Variants in GMDS observed in about 807,000 individuals in gnomAD.
GMDS encodes GDP-mannose 4,6 dehydratase.
Under a neutral mutation model 49.9 loss-of-function variants are expected in GMDS, and 20 were observed. The observed-to-expected ratio is 0.40, with a 90% CI of 0.28 to 0.58. The LOEUF (loss-of-function observed/expected upper bound fraction) is 0.58, where lower values mean the gene tolerates loss of function less well. GMDS is among the 20% of genes least tolerant of loss of function. GMDS has a pLI of 0.42. For synonymous variants in GMDS, 177 were observed against 178.6 expected, an observed-to-expected ratio of 0.99 and a Z score of 0.07; for missense variants, 362 against 481.4, an observed-to-expected ratio of 0.75 and a Z score of 2.32.
chr6:1,624,676 G>A, intron 9 of GMDS, 136 bp from the exon 10 acceptor site: 2 of 643,704 alleles, frequency 3.1e-6, no homozygotes, highest in Non-Finnish European at 5.6e-6. Context: ...TTCGGTCCCT[G>A]CTGTGCGCGT....
chr6:2,135,086 T>C (rs1374787772), intron 1 of GMDS, among the ~76,000 whole-genome samples: 1 of 152,226 alleles, frequency 6.6e-6, no homozygotes, highest in East Asian at 1.9e-4. Context: ...TGTTTAATTC[T>C]AATTACAGTG....
chr6:1,646,406 C>G (rs2745564), intron 9 of GMDS, among the ~76,000 whole-genome samples: 57,750 of 151,978 alleles, frequency 0.38, 11,272 homozygotes, highest in East Asian at 0.64. Flanking sequence ...AAACTCTCAC[C>G]CTGACCTCCA....
At chr6:1,726,376 C>G (rs761930645) in intron 9 of GMDS, 40 bp downstream of exon 9, 1 of 1,375,130 alleles carries the variant, frequency 7.3e-7, no homozygotes, top group Admixed American at 1.7e-5. Context: ...AGCCAGCCAG[C>G]CAAATGTGGC....
intron 7 of GMDS, among the ~76,000 whole-genome samples, chr6:1,880,809 C>T (rs116191952): frequency 6.6e-6 from 1 of 152,220 alleles, no homozygotes; most frequent in Non-Finnish European, 1.5e-5. Context: ...TATGTTCCAA[C>T]AATGGCCAGC....
intron 4 of GMDS, among the ~76,000 whole-genome samples, chr6:2,026,946 AAC>A (rs1768637978): frequency 1.3e-5 from 2 of 152,226 alleles, no homozygotes; most frequent in Non-Finnish European, 2.9e-5. Flanking sequence ...TTTTCCAAGG[AAC>A]ACAGATCATA....
chr6:1,893,245 G>A (rs575385087), intron 7 of GMDS, among the ~76,000 whole-genome samples: 1 of 147,208 alleles, frequency 6.8e-6, no homozygotes, highest in South Asian at 2.2e-4. Flanking sequence ...CCAGGCTGGA[G>A]TGCAGTGGCG....
chr6:2,237,724 G>A (rs756553190), intron 1 of GMDS, among the ~76,000 whole-genome samples: 3 of 151,924 alleles, frequency 2.0e-5, no homozygotes, highest in African/African-American at 2.4e-5. Context: ...GTTTCTCCAC[G>A]TTGGCCAGGG....
At chr6:2,180,939 G>C (rs762235850) in intron 1 of GMDS, among the ~76,000 whole-genome samples, 87 of 152,082 alleles carry the variant, frequency 5.7e-4, no homozygotes, top group Non-Finnish European at 1.0e-3. Flanking sequence ...AGGCTGAGGC[G>C]GGCAGATCAT....
At chr6:1,690,509 T>C (rs1192185191) in intron 9 of GMDS, among the ~76,000 whole-genome samples, 1 of 152,194 alleles carries the variant, frequency 6.6e-6, no homozygotes, top group East Asian at 1.9e-4. Context: ...GTCAGGTCTG[T>C]TGAAGATCAG....
chr6:2,227,195 T>C (rs1780853841), intron 1 of GMDS, among the ~76,000 whole-genome samples: 1 of 152,052 alleles, frequency 6.6e-6, no homozygotes, highest in African/African-American at 2.4e-5. Context: ...TATATATATT[T>C]CCATATATAT....
chr6:2,019,203 T>G (rs1768100676), intron 4 of GMDS, among the ~76,000 whole-genome samples: 1 of 151,386 alleles, frequency 6.6e-6, no homozygotes, highest in Admixed American at 6.6e-5. Context: ...TTTAGTGGAT[T>G]CCTTAGGATC....
intron 7 of GMDS, among the ~76,000 whole-genome samples, chr6:1,893,552 A>G: frequency 6.6e-6 from 1 of 152,114 alleles, no homozygotes; most frequent in South Asian, 2.1e-4. Flanking sequence ...CTCAGTTGCC[A>G]TTTTGAGCTT....
intron 7 of GMDS, among the ~76,000 whole-genome samples, chr6:1,844,479 T>C (rs575644758): frequency 1.1e-4 from 17 of 152,376 alleles, no homozygotes; most frequent in Non-Finnish European, 2.2e-4. Flanking sequence ...ACTTTTTGCA[T>C]TCAGCTTGAA....
rs1760990306 is a variant in GMDS at position 1,910,376 on chromosome 6, A to G, written c.771+19727T>C. 2.6e-5 allele frequency among the ~76,000 whole-genome samples: 4 copies of G among 152,166 alleles called. No individual in the cohort carries two copies. The South Asian group carries it at 8.3e-4, about 32-fold the overall frequency. ...ATTTGTTTCACTGAGGGATTGTACA[A>G]TGTTAAAACACAAAATCATAATCTG... is the stretch of plus-strand genomic sequence containing the variant. On this transcript the variant is annotated intron_variant, in intron 7 of 10. Transcript: ENST00000380815.
intron 9 of GMDS, among the ~76,000 whole-genome samples, chr6:1,719,787 T>C (rs140512269): frequency 2.0e-5 from 3 of 152,342 alleles, no homozygotes; most frequent in South Asian, 4.1e-4. Context: ...TAGGTAGAAG[T>C]TGAGCTCAAC....
chr6:2,212,361 A>C (rs939975300), intron 1 of GMDS, among the ~76,000 whole-genome samples: 1 of 152,236 alleles, frequency 6.6e-6, no homozygotes, highest in Non-Finnish European at 1.5e-5. Context: ...AAGCTTAGAC[A>C]AAACACTGCT....
At chr6:1,884,434 A>C (rs1042234897) in intron 7 of GMDS, among the ~76,000 whole-genome samples, 2 of 152,244 alleles carry the variant, frequency 1.3e-5, no homozygotes, top group African/African-American at 4.8e-5. Context: ...TCTTCACCAA[A>C]GTGGCATTTT....
chr6:1,627,554 C>T (rs145178160), intron 9 of GMDS, among the ~76,000 whole-genome samples: 1 of 152,192 alleles, frequency 6.6e-6, no homozygotes, highest in Non-Finnish European at 1.5e-5. Context: ...TGAACTTCCA[C>T]AAATCCCCTC....
intron 7 of GMDS, among the ~76,000 whole-genome samples, chr6:1,839,379 A>T (rs1363454865): frequency 6.6e-6 from 1 of 152,166 alleles, no homozygotes; most frequent in Admixed American, 6.5e-5. Flanking sequence ...ACCACCTACA[A>T]TTACTAGCAT....
Sources: gnomAD v4.1 joint callset for allele counts (sites outside exome capture counted in the v4.1 genomes callset) on GRCh38, gnomAD v4.1.1 for gene constraint, MANE v1.5 for transcripts, NCBI Gene and HGNC (gene_info 2026-07-23, HGNC 2026-07-21) for gene names.